Variants in MINDY2 observed in about 807,000 individuals in gnomAD.
MINDY2 encodes ubiquitin carboxyl-terminal hydrolase MINDY-2.
MINDY2 carries 52 observed loss-of-function variants against 68.2 expected under a neutral mutation model. The ratio of observed to expected loss-of-function variants is 0.76; its 90% CI spans 0.61 to 0.96. MINDY2 has a LOEUF of 0.96. Ranked by LOEUF, MINDY2 falls within the 40% of genes least tolerant of loss-of-function variation. The probability of loss-of-function intolerance (pLI) is 0.00; values close to 1 mark genes in which losing one functional copy is unlikely to be tolerated. For missense variants in MINDY2, 881 were observed against 773.4 expected, an observed-to-expected ratio of 1.14 and a Z score of -1.65; for synonymous variants, 372 against 303.0, an observed-to-expected ratio of 1.23 and a Z score of -2.36.
intron 7 of MINDY2, among the ~76,000 whole-genome samples, chr15:58,851,215 C>A (rs1169632571): frequency 6.6e-6 from 1 of 152,070 alleles, no homozygotes; most frequent in Non-Finnish European, 1.5e-5. Context: ...CTCAAGCGAT[C>A]CACCTGCCTT....
chr15:58,834,860 T>G (rs2031916741), intron 6 of MINDY2, among the ~76,000 whole-genome samples: 1 of 152,250 alleles, frequency 6.6e-6, no homozygotes, highest in Admixed American at 6.5e-5. Context: ...CATTCCTATC[T>G]TAGTTATAGC....
At chr15:58,836,741 C>T (rs543526450) in intron 6 of MINDY2, among the ~76,000 whole-genome samples, 4 of 152,212 alleles carry the variant, frequency 2.6e-5, no homozygotes, top group African/African-American at 9.6e-5. Flanking sequence ...GGCTCAGCCT[C>T]CCAAGCAACT....
chr15:58,802,130 A>G (rs72745027), intron 2 of MINDY2, among the ~76,000 whole-genome samples, 183 bp from the exon 3 acceptor site: 62,263 of 152,026 alleles, frequency 0.41, 15,914 homozygotes, highest in Middle Eastern at 0.6. Context: ...TATACATTGA[A>G]AAAATATTTG....
At chr15:58,807,517 G>A (rs1019740357) in intron 3 of MINDY2, among the ~76,000 whole-genome samples, 15 of 151,920 alleles carry the variant, frequency 9.9e-5, no homozygotes, top group African/African-American at 3.6e-4. Flanking sequence ...CCGCCATCAT[G>A]CCTGGCTAAA....
intron 1 of MINDY2, among the ~76,000 whole-genome samples, chr15:58,781,790 C>G (rs2140904214): frequency 6.6e-6 from 1 of 152,192 alleles, no homozygotes; most frequent in African/African-American, 2.4e-5. Context: ...GTAATCCCAG[C>G]TACTCGGGAG....
At chr15:58,785,979 T>G (rs1901470364) in intron 1 of MINDY2, among the ~76,000 whole-genome samples, 1 of 152,182 alleles carries the variant, frequency 6.6e-6, no homozygotes, top group Non-Finnish European at 1.5e-5. Flanking sequence ...CTGAAATTAT[T>G]TAAAAATGTC....
chr15:58,807,820 AGCC>A (rs1177211042), intron 3 of MINDY2, among the ~76,000 whole-genome samples: 23 of 152,232 alleles, frequency 1.5e-4, no homozygotes, highest in African/African-American at 4.6e-4. Context: ...ATTTTGTCCC[AGCC>A]GCACTGGGCC....
intron 6 of MINDY2, among the ~76,000 whole-genome samples, chr15:58,842,659 C>T (rs1342676988): frequency 6.6e-6 from 1 of 152,116 alleles, no homozygotes; most frequent in Non-Finnish European, 1.5e-5. Flanking sequence ...AGCAGATAGA[C>T]ACAGAAATTG....
intron 7 of MINDY2, among the ~76,000 whole-genome samples, chr15:58,848,588 A>G (rs1282780660): frequency 6.6e-6 from 1 of 151,398 alleles, no homozygotes; most frequent in African/African-American, 2.5e-5. Context: ...CTAAAAATAT[A>G]AAAATCAATT....
intron 8 of MINDY2, 119 bp downstream of exon 8, chr15:58,852,084 C>G: frequency 1.5e-6 from 1 of 672,896 alleles, no homozygotes; most frequent in Non-Finnish European, 2.4e-6. Flanking sequence ...CCCAGGAGTT[C>G]GAGACCAGCC....
At chr15:58,795,520 T>A (rs1298404173) in intron 2 of MINDY2, among the ~76,000 whole-genome samples, 1 of 152,136 alleles carries the variant, frequency 6.6e-6, no homozygotes, top group Admixed American at 6.5e-5. Context: ...TTCTCCTGCC[T>A]CAGCCTCCTG....
chr15:58,798,319 A>G (rs1902417283), intron 2 of MINDY2, among the ~76,000 whole-genome samples: 1 of 136,946 alleles, frequency 7.3e-6, no homozygotes, highest in South Asian at 2.3e-4. Flanking sequence ...TAGAGATGGG[A>G]TTTGTCTATG....
intron 6 of MINDY2, among the ~76,000 whole-genome samples, chr15:58,834,529 G>C (rs529646765): frequency 1.3e-5 from 2 of 152,176 alleles, no homozygotes; most frequent in East Asian, 1.9e-4. Context: ...GAGAATCTCC[G>C]GAGGTGGGAT....
Position 58,854,795 on chromosome 15 carries a change from T to TG in MINDY2, c.*186dup, listed in dbSNP as rs568616932. On this transcript the variant is annotated 3_prime_UTR_variant, in exon 9 of 9. Transcript: ENST00000559228. ...TTCAAGTCACACAATACACTCTTTA[T>TG]GAGCTGGAGTTTCATGTTACAAGTT... The TG allele has an allele frequency of 5.8e-5, 28 of 480,120 alleles. No homozygotes were observed. Among genetic ancestry groups the TG allele is most frequent in the Non-Finnish European group, 9.1e-5 (26 of 285,538 alleles). The allele number at this position is 480,120 out of a possible 1,614,324, so 29.7% of individuals were successfully genotyped here.
intron 6 of MINDY2, among the ~76,000 whole-genome samples, chr15:58,841,445 G>T (rs1454586514): frequency 4.7e-5 from 6 of 126,942 alleles, no homozygotes; most frequent in African/African-American, 6.1e-5. Context: ...CACTCTTGTT[G>T]CCCTTCCTGG....
rs2033164190 is a variant in MINDY2 at position 58,859,754 on chromosome 15, G to C, written c.*5144G>C. On this transcript the variant is annotated 3_prime_UTR_variant, in exon 9 of 9. Transcript: ENST00000559228. ...TCATGCATGTTCTTACTTAATCCTG[G>C]TGTTTTTGCTCTTAGATGTTAGAGT... 1 of 152,040 alleles carries C rather than the reference G, an allele frequency of 6.6e-6. No homozygotes were observed. The highest frequency in any genetic ancestry group is 1.9e-4 in the East Asian group (1 of 5,190). The allele number at this position is 152,040 out of a possible 1,614,324, so 9.4% of individuals were successfully genotyped here. A position where few individuals can be genotyped will look rare whatever the true frequency, so the allele number is the denominator to read the frequency against.
In MINDY2 at chr15:58,821,764, A is replaced by T. The variant is rs1268584133; in HGVS notation, c.1170A>T (p.Leu390=). Residue 390 remains leucine (L), a synonymous_variant, in exon 5 of 9, where the codon CTA becomes CTT. Coordinates refer to ENST00000559228, the MANE Select transcript of MINDY2 (RefSeq NM_001040450.3). ...KAVGNCSYNQ[L]VEKIISCKQS... ...TTGGTAACTGCAGCTACAACCAACT[A>T]GTGGAGAAGATCATCTCTTGTAAAC... The T allele has an allele frequency of 1.3e-6, 2 of 1,591,068 alleles. No individual in the cohort carries two copies. The highest frequency in any genetic ancestry group is 2.3e-5 in the South Asian group (2 of 85,850).
At chr15:58,806,097 A>C (rs912889912) in intron 3 of MINDY2, among the ~76,000 whole-genome samples, 1 of 152,140 alleles carries the variant, frequency 6.6e-6, no homozygotes, top group Non-Finnish European at 1.5e-5. Context: ...AAGAAAAGAC[A>C]AAGTCTCCCT....
At chr15:58,815,917 A>T (rs761481794) in intron 4 of MINDY2, among the ~76,000 whole-genome samples, 60 of 151,852 alleles carry the variant, frequency 4.0e-4, no homozygotes, top group Non-Finnish European at 5.2e-4. Flanking sequence ...TGACCTCGTG[A>T]TCCGTCTGCC....
Sources: allele counts gnomAD v4.1 joint callset (sites outside exome capture counted in the v4.1 genomes callset), GRCh38; gene constraint gnomAD v4.1.1; transcripts MANE v1.5; gene names NCBI Gene and HGNC (gene_info 2026-07-23, HGNC 2026-07-21).